Variants in RIMS2 observed in about 807,000 individuals in gnomAD.
The protein encoded by RIMS2 is regulating synaptic membrane exocytosis protein 2.
A neutral mutation model predicts 174.4 loss-of-function variants in RIMS2; 59 were observed. The ratio of observed to expected loss-of-function variants is 0.34; its 90% CI spans 0.27 to 0.42. The LOEUF (loss-of-function observed/expected upper bound fraction) is 0.42. RIMS2 is among the 10% of genes least tolerant of loss of function. The pLI, the probability that RIMS2 is intolerant of heterozygous loss-of-function variation, is 1.00. For synonymous variants in RIMS2, 606 were observed against 572.5 expected (o/e 1.06, Z -0.84); for missense variants, 1,620 against 1,666.3 (o/e 0.97, Z 0.48).
intron 2 of RIMS2, among the ~76,000 whole-genome samples, chr8:103,718,827 CT>C (rs1047378705): frequency 3.9e-5 from 6 of 152,042 alleles, no homozygotes; most frequent in Non-Finnish European, 8.8e-5. Flanking sequence ...GCCACCACCC[CT>C]GGGTACATTT....
intron 1 of RIMS2, among the ~76,000 whole-genome samples, chr8:103,658,419 T>G (rs1444362628): frequency 6.6e-6 from 1 of 152,180 alleles, no homozygotes; most frequent in Non-Finnish European, 1.5e-5. Flanking sequence ...AGATTACAAG[T>G]AAACAAAATT....
At chr8:103,998,909 G>A (rs2095262000) in intron 17 of RIMS2, among the ~76,000 whole-genome samples, 1 of 151,746 alleles carries the variant, frequency 6.6e-6, no homozygotes, top group Non-Finnish European at 1.5e-5. Flanking sequence ...GGAAATCTCA[G>A]TTACCTGGCA....
At chr8:104,213,893 AG>A (rs2099117625) in intron 19 of RIMS2, among the ~76,000 whole-genome samples, 1 of 144,448 alleles carries the variant, frequency 6.9e-6, no homozygotes, top group African/African-American at 2.7e-5. Flanking sequence ...AAAAAAAAGA[AG>A]AAGAAGAAGA....
At chr8:104,212,814 T>G (rs1484716224) in intron 19 of RIMS2, among the ~76,000 whole-genome samples, 4 of 152,150 alleles carry the variant, frequency 2.6e-5, no homozygotes, top group African/African-American at 4.8e-5. Flanking sequence ...GTGAACACTC[T>G]CCTCATAAGA....
At position 104,165,809 on chromosome 8, in the gene RIMS2, A is replaced by T. The variant is rs541685681; in HGVS notation, c.3335-79107A>T. On this transcript the variant is annotated intron_variant, in intron 19 of 23. Coordinates refer to ENST00000504942, the Ensembl canonical transcript of RIMS2. Reference sequence around the variant, plus strand: ...TAGCACTAAGCACTTAGATTTTTTAAAAGTATACAAATTTCTAAATATCCA... The same window carrying T: ...TAGCACTAAGCACTTAGATTTTTTATAAGTATACAAATTTCTAAATATCCA... Among the ~76,000 whole-genome samples the T allele has an allele frequency of 6.7e-4, 102 of 152,288 alleles. 1 individual carries two copies. Among genetic ancestry groups the T allele is most frequent in the Non-Finnish European group, 1.1e-3 (78 of 68,018 alleles).
At chr8:103,720,291 T>C (rs184624567) in intron 2 of RIMS2, among the ~76,000 whole-genome samples, 2 of 152,314 alleles carry the variant, frequency 1.3e-5, no homozygotes, top group East Asian at 1.9e-4. Flanking sequence ...GTTATTCTCA[T>C]ATAGAGTTGC....
intron 3 of RIMS2, among the ~76,000 whole-genome samples, chr8:103,829,433 A>G (rs941852598): frequency 2.6e-5 from 4 of 152,220 alleles, no homozygotes; most frequent in African/African-American, 9.6e-5. Context: ...TTGCAGCACT[A>G]TTCGCAATAG....
chr8:103,942,742 T>A (rs775359551), intron 13 of RIMS2, 31 bp from the exon 16 acceptor site: 27 of 1,540,188 alleles, frequency 1.8e-5, no homozygotes, highest in Non-Finnish European at 2.4e-5. Context: ...ATTGGTATAT[T>A]ATAACCGTCC....
At chr8:103,801,329 T>G (rs2098606463) in intron 3 of RIMS2, among the ~76,000 whole-genome samples, 1 of 152,226 alleles carries the variant, frequency 6.6e-6, no homozygotes, top group Non-Finnish European at 1.5e-5. Flanking sequence ...TTTCAATGAT[T>G]ATGCAGCCAT....
At chr8:104,018,916 A>C (rs1347655102) in intron 19 of RIMS2, among the ~76,000 whole-genome samples, 1 of 152,054 alleles carries the variant, frequency 6.6e-6, no homozygotes, top group Admixed American at 6.6e-5. Context: ...CATACCTTTT[A>C]TTTTTGTTGT....
chr8:103,667,107 G>A (rs1247956936), intron 1 of RIMS2, among the ~76,000 whole-genome samples: 1 of 152,112 alleles, frequency 6.6e-6, no homozygotes, highest in Non-Finnish European at 1.5e-5. Flanking sequence ...TAAAATCAAA[G>A]ACCAAAGAAT....
intron 19 of RIMS2, among the ~76,000 whole-genome samples, chr8:104,049,424 T>C (rs972959097): frequency 6.6e-6 from 1 of 151,828 alleles, no homozygotes; most frequent in African/African-American, 2.4e-5. Context: ...AGACTCCATC[T>C]CAAAAAACAA....
At chr8:104,085,957 G>A (rs2097529744) in intron 19 of RIMS2, among the ~76,000 whole-genome samples, 1 of 152,086 alleles carries the variant, frequency 6.6e-6, no homozygotes, top group Non-Finnish European at 1.5e-5. Context: ...TGAGAATAAG[G>A]ATTTTATTAG....
intron 4 of RIMS2, among the ~76,000 whole-genome samples, chr8:103,895,102 T>C (rs916279321): frequency 6.6e-6 from 1 of 151,554 alleles, no homozygotes; most frequent in African/African-American, 2.4e-5. Context: ...TTTTAAGCAA[T>C]ACAATTTATT....
chr8:103,886,799 T>G (rs2099205203), intron 4 of RIMS2, among the ~76,000 whole-genome samples: 2 of 151,766 alleles, frequency 1.3e-5, no homozygotes, highest in African/African-American at 4.8e-5. Context: ...TTTCAAGCCA[T>G]TAGATGTTCT....
intron 3 of RIMS2, among the ~76,000 whole-genome samples, chr8:103,781,587 T>C (rs2098388822): frequency 6.6e-6 from 1 of 152,154 alleles, no homozygotes; most frequent in Non-Finnish European, 1.5e-5. Flanking sequence ...AAAAAACGGT[T>C]CAAAATCTTG....
At chr8:103,652,650 A>T (rs2096472967) in intron 1 of RIMS2, 3 of 1,350,512 alleles carry the variant, frequency 2.2e-6, no homozygotes, top group Non-Finnish European at 2.9e-6. Context: ...GGAATCACTG[A>T]ACTGGTAAAT....
At chr8:103,994,750 G>A (rs1257843971) in intron 17 of RIMS2, among the ~76,000 whole-genome samples, 1 of 151,854 alleles carries the variant, frequency 6.6e-6, no homozygotes, top group Non-Finnish European at 1.5e-5. Context: ...TCTCAAGGAG[G>A]GTCATGACCA....
intron 3 of RIMS2, among the ~76,000 whole-genome samples, chr8:103,842,981 T>A (rs2098949031): frequency 6.6e-6 from 1 of 152,200 alleles, no homozygotes; most frequent in Non-Finnish European, 1.5e-5. Flanking sequence ...ATCCTTAGTG[T>A]CTCTGTCCAA....
Sources: gnomAD v4.1 joint callset for allele counts (sites outside exome capture counted in the v4.1 genomes callset) on GRCh38, gnomAD v4.1.1 for gene constraint, MANE v1.5 for transcripts, NCBI Gene and HGNC (gene_info 2026-07-23, HGNC 2026-07-21) for gene names.